Variants in UGT8 observed in about 807,000 individuals in gnomAD.
The protein encoded by UGT8 is UDP glycosyltransferase 8.
Under a neutral mutation model 40.5 loss-of-function variants are expected in UGT8, and 12 were observed. The observed-to-expected ratio is 0.30, with a 90% CI of 0.19 to 0.48. The LOEUF (loss-of-function observed/expected upper bound fraction) is 0.48. Ranked by LOEUF, UGT8 falls within the 20% of genes least tolerant of loss-of-function variation. The probability of loss-of-function intolerance (pLI) is 0.99; values close to 1 mark genes in which losing one functional copy is unlikely to be tolerated. For missense variants in UGT8, 513 were observed against 648.7 expected, an observed-to-expected ratio of 0.79 and a Z score of 2.27; for synonymous variants, 224 against 240.4, an observed-to-expected ratio of 0.93 and a Z score of 0.63.
chr4:114,619,938 G>A (rs1326945974), intron 1 of UGT8, among the ~76,000 whole-genome samples: 1 of 150,868 alleles, frequency 6.6e-6, no homozygotes, highest in Non-Finnish European at 1.5e-5. Flanking sequence ...TATTTTTCAG[G>A]TTTCTTTAAT....
intron 1 of UGT8, among the ~76,000 whole-genome samples, chr4:114,611,174 C>T (rs1057207823): frequency 4.6e-5 from 7 of 151,760 alleles, no homozygotes; most frequent in Admixed American, 2.6e-4. Flanking sequence ...AAAAATAAAA[C>T]GTATACACGT....
intron 1 of UGT8, 120 bp from the exon 2 acceptor site, chr4:114,622,759 A>AT (rs33991828): frequency 0.71 from 450,518 of 631,728 alleles, 137,661 homozygotes; most frequent in Admixed American, 0.8. Flanking sequence ...TCTGTTCATG[A>AT]TTTTTTTTTT....
chr4:114,606,769 A>G (rs992025151), intron 1 of UGT8, among the ~76,000 whole-genome samples: 8 of 152,180 alleles, frequency 5.3e-5, no homozygotes, highest in Non-Finnish European at 8.8e-5. Flanking sequence ...GGGAAAAACA[A>G]TGGAGGCAAA....
At chr4:114,608,483 T>G (rs1052366196) in intron 1 of UGT8, among the ~76,000 whole-genome samples, 1 of 152,144 alleles carries the variant, frequency 6.6e-6, no homozygotes, top group Admixed American at 6.5e-5. Flanking sequence ...TTTCCTGTTG[T>G]TTTTTCCAGA....
intron 2 of UGT8, among the ~76,000 whole-genome samples, chr4:114,642,718 T>C (rs1733304478): frequency 6.6e-6 from 1 of 152,184 alleles, no homozygotes; most frequent in South Asian, 2.1e-4. Context: ...TCATTTGGCT[T>C]TCTTTTGGTG....
intron 3 of UGT8, 36 bp downstream of exon 3, chr4:114,664,173 A>T: frequency 6.2e-7 from 1 of 1,607,612 alleles, no homozygotes; most frequent in South Asian, 1.1e-5. Context: ...TTTGCTATTG[A>T]CAATCAATAT....
intron 1 of UGT8, among the ~76,000 whole-genome samples, chr4:114,603,394 C>T (rs752433435): frequency 2.0e-5 from 3 of 151,902 alleles, no homozygotes; most frequent in African/African-American, 4.8e-5. Flanking sequence ...AATTATAAAC[C>T]GTGAAAGTTG....
At chr4:114,673,406 A>G (rs928760161) in intron 5 of UGT8, among the ~76,000 whole-genome samples, 21 of 152,190 alleles carry the variant, frequency 1.4e-4, no homozygotes, top group African/African-American at 4.6e-4. Context: ...TTAGTTAGCA[A>G]TCCAGCTTTA....
chr4:114,611,460 A>AGC lies in UGT8; in HGVS notation c.-2-11418_-2-11417insCG, dbSNP rs1288605659. Among the ~76,000 whole-genome samples, 370 of 139,840 alleles carry AGC rather than the reference A, an allele frequency of 2.6e-3. 7 individuals carry two copies. Among genetic ancestry groups the AGC allele is most frequent in the Admixed American group, 0.022 (296 of 13,666 alleles). 91.7% of individuals were successfully genotyped at this position (139,840 alleles called of 152,430 possible). Reference sequence around the variant, plus strand: ...TATATATATATACACACACACACAGAGATATTAGATATATATAATATCTAT... The same window carrying AGC: ...TATATATATATACACACACACACAGAGCGATATTAGATATATATAATATCTAT... On this transcript the variant is annotated intron_variant, in intron 1 of 5. Coordinates refer to ENST00000310836, the MANE Select transcript of UGT8 (RefSeq NM_001128174.3).
chr4:114,664,029 A>G lies in UGT8; in HGVS notation c.857A>G (p.His286Arg). Residue 286 changes from histidine to arginine, a missense_variant, in exon 3 of 6, where the codon CAT becomes CGT. Physicochemically the swap from His to Arg is conservative, Grantham distance 29. Coordinates refer to ENST00000310836, the MANE Select transcript of UGT8 (RefSeq NM_001128174.3). ...AGATGGGTAAATGGTGCTAATGAAC[A>G]TGGCTTTGTCTTGGTGTCTTTTGGA... is the stretch of plus-strand genomic sequence containing the variant. ...LQRWVNGANE[H>R]GFVLVSFGAG... 6.2e-7 allele frequency: 1 copy of G among 1,614,086 alleles called. No homozygotes were observed. The highest frequency in any genetic ancestry group is 1.1e-5 in the South Asian group (1 of 91,078).
intron 2 of UGT8, among the ~76,000 whole-genome samples, chr4:114,649,468 A>G (rs777658454): frequency 6.6e-6 from 1 of 152,200 alleles, no homozygotes; most frequent in Non-Finnish European, 1.5e-5. Flanking sequence ...CACATAAAGG[A>G]AGTTCTGAGA....
chr4:114,668,994 T>G (rs1210484522), intron 5 of UGT8, among the ~76,000 whole-genome samples: 4 of 152,214 alleles, frequency 2.6e-5, no homozygotes, highest in Non-Finnish European at 5.9e-5. Flanking sequence ...TATATTTAAT[T>G]TACCTTGCAT....
At chr4:114,649,411 T>C (rs753909586) in intron 2 of UGT8, among the ~76,000 whole-genome samples, 3 of 152,202 alleles carry the variant, frequency 2.0e-5, no homozygotes, top group African/African-American at 7.2e-5. Context: ...ACACACATAA[T>C]TGAAAAAAAT....
chr4:114,599,237 G>C (rs1730283775), intron 1 of UGT8, among the ~76,000 whole-genome samples: 1 of 152,172 alleles, frequency 6.6e-6, no homozygotes, highest in Non-Finnish European at 1.5e-5. Context: ...TAGCGCCCGC[G>C]ATCCTGTTTC....
chr4:114,604,332 T>A (rs940108679), intron 1 of UGT8, among the ~76,000 whole-genome samples: 20 of 152,156 alleles, frequency 1.3e-4, no homozygotes, highest in Admixed American at 3.9e-4. Flanking sequence ...TTTAACAAAA[T>A]GTAATTTAAT....
At chr4:114,609,782 A>G (rs1730938292) in intron 1 of UGT8, among the ~76,000 whole-genome samples, 1 of 152,156 alleles carries the variant, frequency 6.6e-6, no homozygotes, top group African/African-American at 2.4e-5. Flanking sequence ...ACTTAAATGC[A>G]GTCCTGTCCT....
chr4:114,662,821 T>C (rs1318168287), intron 2 of UGT8, among the ~76,000 whole-genome samples: 1 of 113,860 alleles, frequency 8.8e-6, no homozygotes, highest in African/African-American at 3.5e-5. Context: ...CCATGCTTTT[T>C]TTTTTTTTTT....
In UGT8 at chr4:114,619,133, C is replaced by A. The variant is rs1029802190; in HGVS notation, c.-2-3746C>A. On this transcript the variant is annotated intron_variant, in intron 1 of 5. Transcript: ENST00000310836. ...CATAGGTATAATTTTGATTAAATTT[C>A]GAACAAAACCCAACAATCATCCAGT... 3.9e-5 allele frequency among the ~76,000 whole-genome samples: 6 copies of A among 151,988 alleles called. No individual in the cohort carries two copies. The Middle Eastern group carries it at 0.01, about 258-fold the overall frequency.
intron 1 of UGT8, among the ~76,000 whole-genome samples, chr4:114,620,239 A>C (rs1333939671): frequency 6.6e-6 from 1 of 152,220 alleles, no homozygotes; most frequent in Non-Finnish European, 1.5e-5. Flanking sequence ...AGCTAGATCC[A>C]GAACCCAGTG....
Sources: allele counts gnomAD v4.1 joint callset (sites outside exome capture counted in the v4.1 genomes callset), GRCh38; gene constraint gnomAD v4.1.1; transcripts MANE v1.5; gene names NCBI Gene and HGNC (gene_info 2026-07-23, HGNC 2026-07-21).